Variants in FBXO39 observed in about 807,000 individuals in gnomAD.
The protein encoded by FBXO39 is F-box protein 39.
Under a neutral mutation model 36.6 loss-of-function variants are expected in FBXO39, and 22 were observed. The ratio of observed to expected loss-of-function variants is 0.60; its 90% CI spans 0.43 to 0.86. The LOEUF (loss-of-function observed/expected upper bound fraction) is 0.86. Ranked by LOEUF, FBXO39 falls within the 40% of genes least tolerant of loss-of-function variation. The probability of loss-of-function intolerance (pLI) is 0.00; values close to 1 mark genes in which losing one functional copy is unlikely to be tolerated. For missense variants in FBXO39, 536 were observed against 543.9 expected (o/e 0.99, Z 0.14); for synonymous variants, 206 against 205.8 (o/e 1.00, Z -0.01).
At chr17:6,782,144 A>G (rs1428110434) in intron 2 of FBXO39, among the ~76,000 whole-genome samples, 1 of 152,198 alleles carries the variant, frequency 6.6e-6, no homozygotes, top group Admixed American at 6.5e-5. Context: ...TTAAGGTAAA[A>G]AGTTTTTATT....
intron 1 of FBXO39, among the ~76,000 whole-genome samples, chr17:6,778,417 A>C (rs906751): frequency 2.0e-5 from 3 of 151,988 alleles, no homozygotes; most frequent in African/African-American, 4.8e-5. Context: ...AGGTGGGGAC[A>C]GGAAAAAAAA....
chr17:6,787,027 C>A lies in FBXO39; in HGVS notation c.1200+71C>A, dbSNP rs541856661. The A allele has an allele frequency of 1.7e-5, 25 of 1,512,706 alleles. No individual in the cohort carries two copies. In the African/African-American group the frequency reaches 3.3e-4, roughly 20 times the overall value. The allele number at this position is 1,512,706 out of a possible 1,614,324, so 93.7% of individuals were successfully genotyped here. The stretch of plus-strand genomic sequence containing the variant: ...CAGGAATGGTGCTTCTGCTCTGGAA[C>A]GAAGGGCTGAATAAGGCAGTGGGGG... On this transcript the variant is annotated intron_variant, in intron 3 of 3. Transcript: ENST00000321535.
In FBXO39 at chr17:6,778,789, G is replaced by A. The variant is rs568318691; in HGVS notation, c.-80-1000G>A. ...ATATCTATGGATGAAGCAGGCCTTC[G>A]CTCAGATCTCTGCCGGGACTCTCTA... is the stretch of plus-strand genomic sequence containing the variant. On this transcript the variant is annotated intron_variant, in intron 1 of 3. Coordinates refer to ENST00000321535, the MANE Select transcript of FBXO39 (RefSeq NM_153230.3). Among the ~76,000 whole-genome samples, 9 of 152,276 alleles carry A rather than the reference G, an allele frequency of 5.9e-5. No individual in the cohort carries two copies. The East Asian group carries it at 7.7e-4, about 13-fold the overall frequency.
At position 6,787,612 on chromosome 17, in the gene FBXO39, T is replaced by C; in HGVS notation, c.*184T>C. ...CTGAGACTGCCCATGACCTGAAGGC[T>C]CCAGGTGGCTTTAAAGCGCTATGTT... is the stretch of plus-strand genomic sequence containing the variant. On this transcript the variant is annotated 3_prime_UTR_variant, in exon 4 of 4. Transcript: ENST00000321535. 1.7e-6 allele frequency: 1 copy of C among 575,098 alleles called. No individual in the cohort carries two copies. Among genetic ancestry groups the C allele is most frequent in the Non-Finnish European group, 3.0e-6 (1 of 338,220 alleles). 35.6% of individuals were successfully genotyped at this position (575,098 alleles called of 1,614,324 possible). A position where few individuals can be genotyped will look rare whatever the true frequency, so the allele number is the denominator to read the frequency against.
At chr17:6,783,584 C>A (rs993058243) in intron 2 of FBXO39, among the ~76,000 whole-genome samples, 2 of 151,784 alleles carry the variant, frequency 1.3e-5, no homozygotes, top group East Asian at 3.8e-4. Context: ...CAACCAATAC[C>A]AGAGAAATAC....
At chr17:6,786,291 A>C (rs575601084) in intron 2 of FBXO39, among the ~76,000 whole-genome samples, 3 of 152,330 alleles carry the variant, frequency 2.0e-5, no homozygotes, top group African/African-American at 7.2e-5. Context: ...GGAGCTAAAA[A>C]TTAAAACAAT....
chr17:6,786,691 C>G (rs1432789248), intron 2 of FBXO39, 89 bp from the exon 3 acceptor site: 6 of 1,161,982 alleles, frequency 5.2e-6, no homozygotes, highest in Non-Finnish European at 7.3e-6. Flanking sequence ...CTATCAGGCC[C>G]AGAGCCAGGT....
At chr17:6,786,089 T>C (rs989641404) in intron 2 of FBXO39, among the ~76,000 whole-genome samples, 4 of 152,192 alleles carry the variant, frequency 2.6e-5, no homozygotes, top group African/African-American at 7.2e-5. Flanking sequence ...ATAGCCAATA[T>C]TTGGAAGCAA....
chr17:6,778,218 A>G (rs892220142), intron 1 of FBXO39, among the ~76,000 whole-genome samples: 2 of 152,260 alleles, frequency 1.3e-5, no homozygotes, highest in Non-Finnish European at 2.9e-5. Context: ...GCAAGCACAC[A>G]TACAGACAAA....
At position 6,779,988 on chromosome 17, in the gene FBXO39, T is replaced by C; in HGVS notation, c.120T>C (p.Ala40=). 6.2e-7 allele frequency: 1 copy of C among 1,614,186 alleles called. No homozygotes were observed. The highest frequency in any genetic ancestry group is 8.5e-7 in the Non-Finnish European group (1 of 1,180,028). ...WLGDRDRSRA[A]LVCRKWNQMM... is the part of the protein sequence containing the mutation. ...GAGACAGGGACAGGTCCAGGGCTGC[T>C]CTTGTCTGCAGAAAGTGGAACCAGA... Residue 40 remains alanine, a synonymous_variant, in exon 2 of 4, where the codon GCT becomes GCC. Transcript: ENST00000321535.
At chr17:6,780,955 C>G (rs1435601608) in intron 2 of FBXO39, 64 bp downstream of exon 2, 8 of 1,493,866 alleles carry the variant, frequency 5.4e-6, no homozygotes, top group Non-Finnish European at 6.3e-6. Context: ...AGAAAGCCCA[C>G]TGCTGCCTGC....
rs1430973646 is a variant in FBXO39 at position 6,786,805 on chromosome 17, A to T, written c.1049A>T (p.Asn350Ile). 4.3e-6 allele frequency: 7 copies of T among 1,611,240 alleles called. No individual in the cohort carries two copies. The highest frequency in any genetic ancestry group is 5.9e-6 in the Non-Finnish European group (7 of 1,178,886). ...AAATTAACTTGTGAATTCAACAACA[A>T]CCATGAGTCACTCGACGAGGAGCTG... The part of the protein sequence containing the change: ...LQKLTCEFNN[N>I]HESLDEELHL... The change falls in exon 3 of 4, where the codon AAC (asparagine) becomes ATC (isoleucine). Residue 350 changes from asparagine (N) to isoleucine (I), a missense_variant. Physicochemically the swap from Asn to Ile is moderately radical, Grantham distance 149. Coordinates refer to ENST00000321535, the MANE Select transcript of FBXO39 (RefSeq NM_153230.3).
intron 1 of FBXO39, among the ~76,000 whole-genome samples, chr17:6,778,906 C>T (rs780750488): frequency 6.6e-6 from 1 of 152,148 alleles, no homozygotes. Flanking sequence ...CATCCCCATT[C>T]CCACCACAAT....
intron 3 of FBXO39, 83 bp from the exon 4 acceptor site, chr17:6,787,217 A>C: frequency 6.7e-7 from 1 of 1,495,086 alleles, no homozygotes; most frequent in Admixed American, 1.9e-5. Flanking sequence ...TGAAAAGTGT[A>C]GTCACCGTGT....
chr17:6,786,911 C>A lies in FBXO39; in HGVS notation c.1155C>A (p.Ile385=). Residue 385 remains isoleucine, a synonymous_variant, in exon 3 of 4, where the codon ATC becomes ATA. Transcript: ENST00000321535. ...TTGATGTTAGTTTTGTGGAGCGGATCCTGAAGAGTCAGAAAGAACGGCAGT... is the reference window on the plus strand; with the variant it reads ...TTGATGTTAGTTTTGTGGAGCGGATACTGAAGAGTCAGAAAGAACGGCAGT... The part of the protein sequence containing the change: ...AFLDVSFVER[I]LKSQKERQCA... The A allele has an allele frequency of 1.2e-6, 2 of 1,613,982 alleles. No homozygotes were observed. The highest frequency in any genetic ancestry group is 1.7e-6 in the Non-Finnish European group (2 of 1,179,948).
Position 6,780,038 on chromosome 17 carries a change from G to C in FBXO39, c.170G>C (p.Arg57Pro), listed in dbSNP as rs140674090. 1 of 1,614,150 alleles carries C rather than the reference G, an allele frequency of 6.2e-7. No homozygotes were observed. The highest frequency in any genetic ancestry group is 1.1e-5 in the South Asian group (1 of 91,080). Residue 57 changes from arginine to proline, a missense_variant, in exon 2 of 4, where the codon CGG becomes CCG. By Grantham distance (103) the Arg-to-Pro change is moderately radical. Coordinates refer to ENST00000321535, the MANE Select transcript of FBXO39 (RefSeq NM_153230.3). ...NQMMYSAELW[R>P]YRTITFSGRP... ...ATGATGTATTCTGCTGAGCTCTGGC[G>C]GTACAGAACCATCACCTTCAGCGGG...
At chr17:6,782,570 G>T (rs920356817) in intron 2 of FBXO39, among the ~76,000 whole-genome samples, 2 of 152,050 alleles carry the variant, frequency 1.3e-5, no homozygotes, top group Non-Finnish European at 2.9e-5. Context: ...TGAAAATAAA[G>T]AGATGGGAAA....
Position 6,780,631 on chromosome 17 carries a change from A to C in FBXO39, c.763A>C (p.Asn255His). 8 of 1,614,060 alleles carry C rather than the reference A, an allele frequency of 5.0e-6. No homozygotes were observed. The highest frequency in any genetic ancestry group is 6.8e-6 in the Non-Finnish European group (8 of 1,180,018). Residue 255 changes from asparagine to histidine, a missense_variant, in exon 2 of 4, where the codon AAC (asparagine) becomes CAC (histidine). Asn to His is a moderately conservative substitution (Grantham distance 68, BLOSUM62 1). Transcript: ENST00000321535. ...GAATGCCAGCACCCTCCGGACCATCAACATCAAATGCCACGTTCATGACCC... is the reference window on the plus strand; with the variant it reads ...GAATGCCAGCACCCTCCGGACCATCCACATCAAATGCCACGTTCATGACCC... Reference protein sequence around the residue: ...CENASTLRTINIKCHVHDPHG... With the variant: ...CENASTLRTIHIKCHVHDPHG...
At chr17:6,784,953 G>GTGTGTGTATATATATATATATA (rs1302291142) in intron 2 of FBXO39, among the ~76,000 whole-genome samples, 7 of 113,882 alleles carry the variant, frequency 6.1e-5, no homozygotes, top group African/African-American at 2.5e-4. Flanking sequence ...GTGTGTGTGT[G>GTGTGTGTATATATATATATATA]TATATATATA....
Sources: allele counts gnomAD v4.1 joint callset (sites outside exome capture counted in the v4.1 genomes callset), GRCh38; gene constraint gnomAD v4.1.1; transcripts MANE v1.5; gene names NCBI Gene and HGNC (gene_info 2026-07-23, HGNC 2026-07-21).